CWC22: variants seen among roughly 807,000 people sequenced by gnomAD.
CWC22 encodes the protein CWC22 spliceosome associated protein.
Under a neutral mutation model 117.2 loss-of-function variants are expected in CWC22, and 53 were observed. The ratio of observed to expected loss-of-function variants is 0.45; its 90% CI spans 0.36 to 0.57. CWC22 has a LOEUF of 0.57. Among genes scored for constraint, CWC22 ranks in the 20% least tolerant of loss-of-function variants. The probability of loss-of-function intolerance (pLI) is 0.00; values close to 1 mark genes in which losing one functional copy is unlikely to be tolerated. For synonymous variants in CWC22, 360 were observed against 355.6 expected, an observed-to-expected ratio of 1.01 and a Z score of -0.14; for missense variants, 980 against 1,068.8, an observed-to-expected ratio of 0.92 and a Z score of 1.16.
At chr2:179,977,883 A>G (rs1049299476) in intron 6 of CWC22, among the ~76,000 whole-genome samples, 1 of 152,192 alleles carries the variant, frequency 6.6e-6, no homozygotes, top group African/African-American at 2.4e-5. Flanking sequence ...AGTTTGAGGT[A>G]GTATATTTTA....
At chr2:179,973,536 A>G in intron 7 of CWC22, 98 bp downstream of exon 7, 2 of 783,570 alleles carry the variant, frequency 2.6e-6, no homozygotes, top group East Asian at 5.4e-5. Flanking sequence ...GCATTATGTT[A>G]TGTAGCTGTG....
At chr2:179,982,885 T>C (rs1217161163) in intron 4 of CWC22, among the ~76,000 whole-genome samples, 1 of 152,178 alleles carries the variant, frequency 6.6e-6, no homozygotes, top group Non-Finnish European at 1.5e-5. Context: ...ATCATTCTGT[T>C]TGTGTTTTGG....
chr2:179,997,236 C>T (rs1435446318), intron 1 of CWC22, among the ~76,000 whole-genome samples: 1 of 151,572 alleles, frequency 6.6e-6, no homozygotes, highest in African/African-American at 2.4e-5. Context: ...AGGTTTTCTA[C>T]ATCTTTCGTA....
At chr2:179,954,896 C>T in intron 15 of CWC22, 61 bp downstream of exon 15, 1 of 1,003,002 alleles carries the variant, frequency 1.0e-6, no homozygotes, top group Non-Finnish European at 1.5e-6. Context: ...GACCATAAAG[C>T]AGAAATCATT....
At chr2:179,966,683 A>G (rs1158960634) in intron 11 of CWC22, among the ~76,000 whole-genome samples, 6 of 152,188 alleles carry the variant, frequency 3.9e-5, no homozygotes, top group Non-Finnish European at 8.8e-5. Flanking sequence ...AAGGCCAGTC[A>G]TTATGTTAAA....
chr2:179,993,960 C>T (rs943983340), intron 1 of CWC22, among the ~76,000 whole-genome samples: 20 of 152,124 alleles, frequency 1.3e-4, no homozygotes, highest in African/African-American at 3.4e-4. Context: ...TGCTAAACTA[C>T]AATAATTATG....
rs1158410485 is a variant in CWC22 at position 179,954,281 on chromosome 2, C to T, written c.1613G>A (p.Arg538His). 4 of 1,610,436 alleles carry T rather than the reference C, an allele frequency of 2.5e-6. No individual in the cohort carries two copies. The highest frequency in any genetic ancestry group is 1.1e-5 in the South Asian group (1 of 90,870). The change falls in exon 16 of 20, where the codon CGC (arginine) becomes CAC (histidine). Residue 538 changes from arginine (R) to histidine (H), a missense_variant. Coordinates refer to ENST00000410053, the MANE Select transcript of CWC22 (RefSeq NM_020943.3). ...ATTTCGCAACTTGTTTGTTTCCAAG[C>T]GATGGATGGTATCATACTGTTCTTT... Reference protein sequence around the residue: ...IFKEQYDTIHRLETNKLRNVA... With the variant: ...IFKEQYDTIHHLETNKLRNVA...
At chr2:179,986,240 A>T (rs1403105330) in intron 4 of CWC22, among the ~76,000 whole-genome samples, 2 of 152,188 alleles carry the variant, frequency 1.3e-5, no homozygotes, top group Non-Finnish European at 2.9e-5. Flanking sequence ...AAAAAACTAC[A>T]AATTGGAAAC....
rs559571719 is a variant in CWC22, at chr2:179,948,343, A to G, written c.2140+2169T>C. ...GGGACAATACTTTCTTATAGAAGAA[A>G]TTCAATTACTAGATGTAGAAGAAAA... is the stretch of plus-strand genomic sequence containing the variant. On this transcript the variant is annotated intron_variant, in intron 19 of 19. Transcript: ENST00000410053. 2.1e-3 allele frequency among the ~76,000 whole-genome samples: 318 copies of G among 152,252 alleles called. 2 individuals are homozygous for G. Among genetic ancestry groups the G allele is most frequent in the African/African-American group, 7.1e-3 (293 of 41,556 alleles).
Position 179,970,563 on chromosome 2 carries a change from T to C in CWC22, c.1148A>G (p.Asn383Ser). 3 of 1,549,500 alleles carry C rather than the reference T, an allele frequency of 1.9e-6. No individual in the cohort carries two copies. The highest frequency in any genetic ancestry group is 1.4e-5 in the African/African-American group (1 of 73,028). Residue 383 changes from asparagine to serine, a missense_variant and splice_region_variant, in exon 11 of 20, where the codon AAT (asparagine) becomes AGT (serine). Around this residue, in one of 3 missense-constraint regions of CWC22, gnomAD observed 559 missense variants for 602.3 expected, o/e 0.93. Transcript: ENST00000410053. ...AAAATTAGGATCCATCTTGAAAACA[T>C]CTAAAAAAAATGTAAAAGTTAATGT... is the stretch of plus-strand genomic sequence containing the variant. Reference protein sequence around the residue: ...EDDYNPEDVLNVFKMDPNFME... With the variant: ...EDDYNPEDVLSVFKMDPNFME...
rs552700844 is a variant in CWC22, at chr2:179,973,386, A to C, written c.751-140T>G. ...TTTTACATTATAAGAAAGTTACAAAATAAAACACATGAAAGAGTATCCCTT... is the reference window on the plus strand; with the variant it reads ...TTTTACATTATAAGAAAGTTACAAACTAAAACACATGAAAGAGTATCCCTT... On this transcript the variant is annotated intron_variant, in intron 7 of 19. Coordinates refer to ENST00000410053, the MANE Select transcript of CWC22 (RefSeq NM_020943.3). 1.2e-4 allele frequency: 82 copies of C among 686,910 alleles called. 1 individual carries two copies. The South Asian group carries it at 1.6e-3, about 14-fold the overall frequency. The allele number at this position is 686,910 out of a possible 1,614,324, so 42.6% of individuals were successfully genotyped here. A position where few individuals can be genotyped will look rare whatever the true frequency, so the allele number is the denominator to read the frequency against.
chr2:180,004,385 TTTC>T (rs905922903), intron 1 of CWC22, among the ~76,000 whole-genome samples: 19 of 152,218 alleles, frequency 1.2e-4, no homozygotes, highest in African/African-American at 2.2e-4. Flanking sequence ...AACTTCTTTT[TTTC>T]TTCTTCTTCT....
chr2:179,984,308 G>T (rs1687359963), intron 4 of CWC22, among the ~76,000 whole-genome samples: 1 of 151,986 alleles, frequency 6.6e-6, no homozygotes, highest in South Asian at 2.1e-4. Flanking sequence ...TAGTTTCTAA[G>T]AGTTTTAACA....
At chr2:179,970,614 G>T in intron 10 of CWC22, 36 bp downstream of exon 10, 3 of 1,592,738 alleles carry the variant, frequency 1.9e-6, no homozygotes, top group Non-Finnish European at 2.6e-6. Flanking sequence ...ACATTTGTTG[G>T]TAAGCCTCTT....
At chr2:179,997,359 C>A (rs1200203735) in intron 1 of CWC22, among the ~76,000 whole-genome samples, 1 of 151,500 alleles carries the variant, frequency 6.6e-6, no homozygotes, top group Non-Finnish European at 1.5e-5. Flanking sequence ...TAAAAGGCTA[C>A]AAATTAAAAT....
intron 1 of CWC22, among the ~76,000 whole-genome samples, chr2:179,999,012 C>T (rs1687779806): frequency 6.6e-6 from 1 of 152,024 alleles, no homozygotes; most frequent in Non-Finnish European, 1.5e-5. Flanking sequence ...ATCATCTTTC[C>T]CCTTTCAACT....
chr2:179,998,672 A>C (rs902449347), intron 1 of CWC22, among the ~76,000 whole-genome samples: 10 of 152,176 alleles, frequency 6.6e-5, no homozygotes, highest in African/African-American at 2.4e-4. Context: ...AGTTCCAGAT[A>C]GCAAAGACTG....
chr2:179,999,498 T>C (rs1400091939), intron 1 of CWC22, among the ~76,000 whole-genome samples: 14 of 152,184 alleles, frequency 9.2e-5, no homozygotes, highest in Admixed American at 9.2e-4. Flanking sequence ...TAATAACATA[T>C]ATAAGTACGT....
chr2:179,987,578 G>A (rs377273145), intron 3 of CWC22, among the ~76,000 whole-genome samples: 1 of 152,120 alleles, frequency 6.6e-6, no homozygotes, highest in African/African-American at 2.4e-5. Context: ...CAATTAACTT[G>A]ATGTTCACAA....
Sources: gnomAD v4.1 joint callset for allele counts (sites outside exome capture counted in the v4.1 genomes callset) on GRCh38, gnomAD v4.1.1 for gene constraint, gnomAD v4.1.1 regional missense constraint, MANE v1.5 for transcripts, NCBI Gene and HGNC (gene_info 2026-07-23, HGNC 2026-07-21) for gene names.